The following SMYD3 variants were observed in gnomAD, a reference collection of about 807,000 sequenced individuals.
SMYD3 encodes the protein SET and MYND domain containing 3, also known as histone-lysine N-methyltransferase SMYD3.
SMYD3 carries 36 observed loss-of-function variants against 57.7 expected under a neutral mutation model. The observed-to-expected ratio is 0.62, with a 90% CI of 0.48 to 0.82. SMYD3 has a LOEUF of 0.82. SMYD3 is among the 40% of genes least tolerant of loss of function. SMYD3 has a pLI of 0.00. For synonymous variants in SMYD3, 211 were observed against 195.0 expected, an observed-to-expected ratio of 1.08 and a Z score of -0.68; for missense variants, 515 against 538.8, an observed-to-expected ratio of 0.96 and a Z score of 0.44.
At chr1:246,073,961 T>C (rs1267718735) in intron 5 of SMYD3, among the ~76,000 whole-genome samples, 2 of 152,168 alleles carry the variant, frequency 1.3e-5, no homozygotes, top group Non-Finnish European at 2.9e-5. Context: ...GGCAAATTGG[T>C]CTCGGCCTAG....
chr1:246,169,381 C>CAA (rs55719556), intron 5 of SMYD3, among the ~76,000 whole-genome samples: 27,058 of 61,654 alleles, frequency 0.44, 7,370 homozygotes, highest in Non-Finnish European at 0.57. Flanking sequence ...GACTTTCTTT[C>CAA]AAAAAAAAAA....
chr1:245,859,545 C>T (rs759222461), intron 9 of SMYD3, among the ~76,000 whole-genome samples: 29 of 152,124 alleles, frequency 1.9e-4, no homozygotes. Flanking sequence ...GTTTATGGAG[C>T]GTAATTTTAA....
At chr1:246,336,700 C>A (rs1425486228) in intron 2 of SMYD3, among the ~76,000 whole-genome samples, 2 of 152,088 alleles carry the variant, frequency 1.3e-5, no homozygotes, top group Non-Finnish European at 2.9e-5. Flanking sequence ...TCGTAACAAT[C>A]CAAATGGTAG....
intron 5 of SMYD3, among the ~76,000 whole-genome samples, chr1:246,213,746 T>C (rs2063123404): frequency 6.6e-6 from 1 of 152,210 alleles, no homozygotes; most frequent in Non-Finnish European, 1.5e-5. Context: ...CCTGAGAATA[T>C]CTTAGCATCT....
chr1:245,854,779 G>A (rs1343503623), intron 10 of SMYD3, among the ~76,000 whole-genome samples: 1 of 152,128 alleles, frequency 6.6e-6, no homozygotes, highest in African/African-American at 2.4e-5. Context: ...GAAAGTGGAA[G>A]AGCCCACGTG....
At chr1:246,438,270 T>C (rs1022200748) in intron 1 of SMYD3, among the ~76,000 whole-genome samples, 7 of 152,200 alleles carry the variant, frequency 4.6e-5, no homozygotes, top group South Asian at 2.1e-4. Flanking sequence ...ATGTTAACAA[T>C]AGGAAAACAA....
intron 5 of SMYD3, among the ~76,000 whole-genome samples, chr1:245,966,889 C>G (rs959754474): frequency 6.6e-6 from 1 of 152,148 alleles, no homozygotes; most frequent in African/African-American, 2.4e-5. Context: ...TATCCCCCCT[C>G]AGGACCTCAC....
At chr1:245,793,136 C>T (rs35759946) in intron 10 of SMYD3, among the ~76,000 whole-genome samples, 16,213 of 145,756 alleles carry the variant, frequency 0.11, 1,481 homozygotes, top group East Asian at 0.46. Context: ...GGTGAAACCC[C>T]GTCTCTACTA....
chr1:246,234,374 C>G (rs1038818968), intron 5 of SMYD3, among the ~76,000 whole-genome samples: 1 of 152,196 alleles, frequency 6.6e-6, no homozygotes, highest in Non-Finnish European at 1.5e-5. Flanking sequence ...TCAGTTCATA[C>G]TGTGATGAAC....
chr1:246,416,933 A>G (rs964288989), intron 1 of SMYD3, among the ~76,000 whole-genome samples: 4 of 152,208 alleles, frequency 2.6e-5, no homozygotes, highest in Non-Finnish European at 5.9e-5. Context: ...AATTACCAGG[A>G]AAGATTAACC....
At chr1:246,329,260 T>G (rs960422593) in intron 4 of SMYD3, among the ~76,000 whole-genome samples, 13 of 152,224 alleles carry the variant, frequency 8.5e-5, no homozygotes, top group East Asian at 1.9e-4. Context: ...CCTGAGGAAT[T>G]GCCACACTGA....
chr1:245,938,855 C>T (rs996718838), intron 5 of SMYD3, among the ~76,000 whole-genome samples: 2 of 152,136 alleles, frequency 1.3e-5, no homozygotes, highest in East Asian at 1.9e-4. Context: ...GCCCCTACAC[C>T]GCTTCAGTGA....
chr1:246,145,783 T>C (rs761367926), intron 5 of SMYD3, among the ~76,000 whole-genome samples: 1 of 152,242 alleles, frequency 6.6e-6, no homozygotes, highest in African/African-American at 2.4e-5. Flanking sequence ...CTAAGCATAA[T>C]GCCTGGCACA....
intron 1 of SMYD3, among the ~76,000 whole-genome samples, chr1:246,425,214 A>C (rs928260883): frequency 6.6e-6 from 1 of 152,112 alleles, no homozygotes; most frequent in African/African-American, 2.4e-5. Context: ...TGAGTGGTAG[A>C]GGAACCCCAA....
intron 1 of SMYD3, among the ~76,000 whole-genome samples, chr1:246,449,920 A>G (rs2067606394): frequency 6.6e-6 from 1 of 152,216 alleles, no homozygotes; most frequent in Non-Finnish European, 1.5e-5. Flanking sequence ...TAGAAACTAA[A>G]AGATGAGTGT....
At chr1:245,829,962 G>A (rs956051799) in intron 10 of SMYD3, among the ~76,000 whole-genome samples, 5 of 152,006 alleles carry the variant, frequency 3.3e-5, no homozygotes, top group Non-Finnish European at 5.9e-5. Context: ...GGACTGGGGG[G>A]CTGGGGAGAT....
intron 8 of SMYD3, among the ~76,000 whole-genome samples, chr1:245,871,751 T>C (rs1190168952): frequency 6.6e-6 from 1 of 152,136 alleles, no homozygotes; most frequent in East Asian, 1.9e-4. Context: ...TCTAAGGAGA[T>C]GCACCTTCTC....
At chr1:245,993,603 T>TAGACAGAG (rs1489216099) in intron 5 of SMYD3, among the ~76,000 whole-genome samples, 1 of 45,162 alleles carries the variant, frequency 2.2e-5, no homozygotes, top group African/African-American at 4.7e-5. Context: ...GATAGATAGA[T>TAGACAGAG]AGATAGATAG....
chr1:245,855,599 C>G (rs1223350459), intron 10 of SMYD3, among the ~76,000 whole-genome samples: 1 of 152,172 alleles, frequency 6.6e-6, no homozygotes, highest in African/African-American at 2.4e-5. Context: ...CCGATACTAT[C>G]AGAAGACATA....
Sources: allele counts gnomAD v4.1 joint callset (sites outside exome capture counted in the v4.1 genomes callset), GRCh38; gene constraint gnomAD v4.1.1; transcripts MANE v1.5; gene names NCBI Gene and HGNC (gene_info 2026-07-23, HGNC 2026-07-21).